Variants in UST observed in about 807,000 individuals in gnomAD.
UST encodes the protein uronyl 2-sulfotransferase.
Under a neutral mutation model 45.6 loss-of-function variants are expected in UST, and 21 were observed. That is an observed-to-expected ratio of 0.46 (90% confidence interval 0.33 to 0.66). The LOEUF is 0.66. UST is among the 30% of genes least tolerant of loss of function. The pLI is 0.02. For missense variants in UST, 463 were observed against 512.4 expected, an observed-to-expected ratio of 0.90 and a Z score of 0.93; for synonymous variants, 215 against 200.6, an observed-to-expected ratio of 1.07 and a Z score of -0.61.
intron 2 of UST, among the ~76,000 whole-genome samples, chr6:148,902,951 C>G (rs991520283): frequency 6.6e-6 from 1 of 152,022 alleles, no homozygotes; most frequent in African/African-American, 2.4e-5. Flanking sequence ...TGGTTCCATA[C>G]GGGGTCTTTA....
At chr6:148,786,798 G>A (rs9377159) in intron 1 of UST, among the ~76,000 whole-genome samples, 1 of 152,070 alleles carries the variant, frequency 6.6e-6, no homozygotes, top group Non-Finnish European at 1.5e-5. Flanking sequence ...CCTCTAGGTC[G>A]TTGAGGAGTC....
chr6:148,879,160 C>A (rs910887491), intron 1 of UST, among the ~76,000 whole-genome samples: 1 of 152,156 alleles, frequency 6.6e-6, no homozygotes, highest in Non-Finnish European at 1.5e-5. Context: ...TCCCAGGCAA[C>A]CTGTGAGCTA....
chr6:148,934,627 C>T lies in UST; in HGVS notation c.292-6652C>T, dbSNP rs776528318. On this transcript the variant is annotated intron_variant, in intron 2 of 7. Transcript: ENST00000367463. This position sits in a 1 kb window ranked among gnomAD's most constrained non-coding sequence, Gnocchi z 4.1. ...CTTCGCCCCAACTCCTCTCCAGGAT[C>T]ACGCAGGCAACCTTCTCCCCAGCCT... Among the ~76,000 whole-genome samples the T allele has an allele frequency of 6.6e-6, 1 of 152,142 alleles. No homozygotes were observed. The highest frequency in any genetic ancestry group is 1.5e-5 in the Non-Finnish European group (1 of 68,022).
intron 2 of UST, among the ~76,000 whole-genome samples, chr6:148,896,529 T>C (rs978402731): frequency 1.2e-4 from 19 of 152,260 alleles, no homozygotes; most frequent in African/African-American, 4.3e-4. Flanking sequence ...ATTGTCTGAT[T>C]TTCTTTGAAA....
intron 7 of UST, among the ~76,000 whole-genome samples, chr6:149,057,343 T>C (rs547729659): frequency 1.3e-5 from 2 of 151,966 alleles, no homozygotes; most frequent in South Asian, 4.1e-4. Flanking sequence ...TGCAGGATTT[T>C]CAAAAGGCCC....
intron 1 of UST, among the ~76,000 whole-genome samples, chr6:148,856,104 C>T (rs1421252640): frequency 6.6e-6 from 1 of 152,148 alleles, no homozygotes; most frequent in Admixed American, 6.5e-5. Flanking sequence ...ACAACCTCCA[C>T]CTCCTGGGTT....
chr6:148,863,831 C>T (rs935604859), intron 1 of UST, among the ~76,000 whole-genome samples: 3 of 152,190 alleles, frequency 2.0e-5, no homozygotes, highest in Admixed American at 6.5e-5. Context: ...TATTGCAGAA[C>T]GGCAAATGTT....
intron 2 of UST, among the ~76,000 whole-genome samples, chr6:148,888,540 CAT>C (rs1778952938): frequency 6.6e-6 from 1 of 152,222 alleles, no homozygotes; most frequent in South Asian, 2.1e-4. Context: ...CTCAGTTTCT[CAT>C]GTGCAGGGTG....
At chr6:149,005,572 T>C in intron 5 of UST, 2 of 985,450 alleles carry the variant, frequency 2.0e-6, no homozygotes, top group Non-Finnish European at 1.2e-6. Context: ...CCGAATAAAA[T>C]GATTGGTACT....
intron 1 of UST, among the ~76,000 whole-genome samples, chr6:148,808,564 G>A (rs1197585540): frequency 6.6e-6 from 1 of 151,932 alleles, no homozygotes; most frequent in Non-Finnish European, 1.5e-5. Flanking sequence ...GTCAGGTGTG[G>A]AATGTGGGCA....
chr6:149,017,334 G>A (rs371854427), intron 5 of UST, among the ~76,000 whole-genome samples: 7 of 151,226 alleles, frequency 4.6e-5, no homozygotes, highest in East Asian at 1.9e-4. Flanking sequence ...CCGAGATCAC[G>A]CCACTGCAGT....
chr6:148,827,093 C>A (rs920592245), intron 1 of UST, among the ~76,000 whole-genome samples: 1 of 152,160 alleles, frequency 6.6e-6, no homozygotes, highest in Non-Finnish European at 1.5e-5. Flanking sequence ...ATTGTTGATA[C>A]CGCCTGAAAT....
Position 148,856,805 on chromosome 6 carries a change from G to A in UST, c.248-30181G>A, listed in dbSNP as rs576581849. Among the ~76,000 whole-genome samples, 6 of 152,118 alleles carry A rather than the reference G, an allele frequency of 3.9e-5. No individual in the cohort carries two copies. The South Asian group carries it at 1.0e-3, about 26-fold the overall frequency. ...TTCATACCAAAGCTTATGGAGAATTGGGATCTAAACTGTTACTGTGGTTGA... is the reference window on the plus strand; with the variant it reads ...TTCATACCAAAGCTTATGGAGAATTAGGATCTAAACTGTTACTGTGGTTGA... On this transcript the variant is annotated intron_variant, in intron 1 of 7. Coordinates refer to ENST00000367463, the MANE Select transcript of UST (RefSeq NM_005715.3).
chr6:148,982,362 G>A (rs1582942091), intron 5 of UST, among the ~76,000 whole-genome samples: 1 of 152,258 alleles, frequency 6.6e-6, no homozygotes, highest in East Asian at 1.9e-4. Flanking sequence ...GCCTCCCAAA[G>A]TGCTGGGATT....
chr6:148,807,379 C>G (rs959472344), intron 1 of UST, among the ~76,000 whole-genome samples: 1 of 152,148 alleles, frequency 6.6e-6, no homozygotes, highest in Non-Finnish European at 1.5e-5. Context: ...AAAGCCAGGC[C>G]TGTGGGTTAG....
intron 2 of UST, among the ~76,000 whole-genome samples, chr6:148,935,361 G>A (rs1452650396): frequency 6.6e-6 from 1 of 152,178 alleles, no homozygotes; most frequent in Non-Finnish European, 1.5e-5. Context: ...GAATCACTTG[G>A]GGGAGGGAGA....
rs913619102 is a variant in UST, at chr6:148,752,024, C to A, written c.247+4347C>A. Reference sequence around the variant, plus strand: ...TTATGGGAGCTAAACTTGTTGGACTCATTCCCAGCTGATATGCTTTCCTTT... The same window carrying A: ...TTATGGGAGCTAAACTTGTTGGACTAATTCCCAGCTGATATGCTTTCCTTT... On this transcript the variant is annotated intron_variant, in intron 1 of 7. Transcript: ENST00000367463. 3.1e-4 allele frequency among the ~76,000 whole-genome samples: 47 copies of A among 152,360 alleles called. 1 individual carries two copies. Among genetic ancestry groups the A allele is most frequent in the African/African-American group, 1.1e-3 (47 of 41,594 alleles).
intron 1 of UST, among the ~76,000 whole-genome samples, chr6:148,764,406 T>C (rs1776278909): frequency 6.6e-6 from 1 of 152,194 alleles, no homozygotes; most frequent in Non-Finnish European, 1.5e-5. Flanking sequence ...CTTTAGGGTT[T>C]TCTAGGTATA....
At chr6:148,966,179 G>A (rs991935194) in intron 5 of UST, among the ~76,000 whole-genome samples, 1 of 151,648 alleles carries the variant, frequency 6.6e-6, no homozygotes, top group Non-Finnish European at 1.5e-5. Flanking sequence ...AGCCAAGATC[G>A]TGCTACTGCA....
Sources: allele counts gnomAD v4.1 joint callset (sites outside exome capture counted in the v4.1 genomes callset), GRCh38; gene constraint gnomAD v4.1.1; non-coding constraint Gnocchi (gnomAD v3.1); transcripts MANE v1.5; gene names NCBI Gene and HGNC (gene_info 2026-07-23, HGNC 2026-07-21).